The following ANO1 variants were observed in gnomAD, a reference collection of about 807,000 sequenced individuals.
ANO1 encodes anoctamin-1.
Under a neutral mutation model 124.0 loss-of-function variants are expected in ANO1, and 59 were observed. The observed-to-expected ratio is 0.48, with a 90% confidence interval of 0.39 to 0.59. ANO1 has a LOEUF of 0.59. ANO1 is among the 20% of genes least tolerant of loss of function. ANO1 has a pLI of 0.00. For synonymous variants in ANO1, 529 were observed against 532.0 expected (o/e 0.99, Z 0.08); for missense variants, 1,059 against 1,328.0 (o/e 0.80, Z 3.15).
chr11:70,070,306 C>T lies in ANO1; in HGVS notation c.59-8236C>T, dbSNP rs78225667. ...GCAGAGGGAAAACAAGATGATGAAG[C>T]GAACTCCTCTGCAGATAAGGGGTGG... On this transcript the variant is annotated intron_variant, in intron 1 of 27. Coordinates refer to the ANO1 transcript ENST00000531349. Among the ~76,000 whole-genome samples, 1,126 of 152,182 alleles carry T rather than the reference C, an allele frequency of 7.4e-3. 16 individuals are homozygous for T. Among genetic ancestry groups the T allele is most frequent in the African/African-American group, 0.025 (1,024 of 41,508 alleles).
chr11:70,180,690 A>G (rs2048896641), intron 23 of ANO1, among the ~76,000 whole-genome samples: 2 of 152,246 alleles, frequency 1.3e-5, no homozygotes, highest in Non-Finnish European at 2.9e-5. Flanking sequence ...GAGGGAAGAC[A>G]GAGACAGAGA....
chr11:70,124,626 G>C (rs776268660), intron 9 of ANO1, among the ~76,000 whole-genome samples: 1 of 152,192 alleles, frequency 6.6e-6, no homozygotes, highest in Non-Finnish European at 1.5e-5. Context: ...CCTGGAGGTC[G>C]GGCCCTTTTC....
At chr11:70,122,181 G>C (rs1309239946) in intron 8 of ANO1, among the ~76,000 whole-genome samples, 5 of 82,814 alleles carry the variant, frequency 6.0e-5, no homozygotes, top group South Asian at 4.3e-4. Flanking sequence ...CCACCTCTCT[G>C]TCTGTCTTTC....
intron 2 of ANO1, among the ~76,000 whole-genome samples, chr11:70,095,287 G>GGAAGGAAA (rs2044827383): frequency 1.2e-5 from 1 of 80,696 alleles, no homozygotes; most frequent in African/African-American, 6.0e-5. Flanking sequence ...AAGGAAGGAA[G>GGAAGGAAA]GAAGGAAGGA....
rs76023583 is a variant in ANO1 at position 70,179,628 on chromosome 11, C to T, written c.2351-376C>T. 5.4e-3 allele frequency among the ~76,000 whole-genome samples: 817 copies of T among 152,332 alleles called. 10 individuals carry two copies. Among genetic ancestry groups the T allele is most frequent in the African/African-American group, 0.019 (785 of 41,568 alleles). ...CTGGCCTATCCCTAAATACAGGTAT[C>T]CTCCGCCAGAGCTTTAGGAGCTGCA... is the stretch of plus-strand genomic sequence containing the variant. On this transcript the variant is annotated intron_variant, in intron 22 of 25. Transcript: ENST00000355303.
Position 70,062,063 on chromosome 11 carries a change from C to CTTTTTTTTTTTTTTTTTT in ANO1, c.59-16476_59-16475insTTTTTTTTTTTTTTTTTT. On this transcript the variant is annotated intron_variant, in intron 1 of 27. Coordinates refer to the ANO1 transcript ENST00000531349. ...AGAGGTGATTTTTTTCTCTTTCCTTCTTTCTTTTTTTTTTTTTTTTTTTTT... is the reference window on the plus strand; with the variant it reads ...AGAGGTGATTTTTTTCTCTTTCCTTCTTTTTTTTTTTTTTTTTTTTTCTTTTTTTTTTTTTTTTTTTTT... 2.6e-5 allele frequency among the ~76,000 whole-genome samples: 2 copies of CTTTTTTTTTTTTTTTTTT among 76,700 alleles called. 1 individual carries two copies. The allele number at this position is 76,700 out of a possible 152,430, so 50.3% of individuals were successfully genotyped here.
intron 1 of ANO1, among the ~76,000 whole-genome samples, chr11:70,029,842 C>T (rs933134055): frequency 6.6e-6 from 1 of 152,228 alleles, no homozygotes; most frequent in Non-Finnish European, 1.5e-5. Context: ...AGCTGCATCA[C>T]TCCAGCCTCT....
At chr11:70,132,547 A>T (rs935522612) in intron 11 of ANO1, among the ~76,000 whole-genome samples, 1 of 152,170 alleles carries the variant, frequency 6.6e-6, no homozygotes, top group Non-Finnish European at 1.5e-5. Flanking sequence ...TAAGGAGGCG[A>T]AGGCCTAAGA....
At chr11:70,115,907 G>T (rs1018149761) in intron 7 of ANO1, among the ~76,000 whole-genome samples, 5 of 152,164 alleles carry the variant, frequency 3.3e-5, no homozygotes, top group African/African-American at 1.2e-4. Flanking sequence ...GTCAGGGTCT[G>T]ACCGAACTTA....
chr11:70,110,432 T>G (rs1051928750), intron 6 of ANO1, among the ~76,000 whole-genome samples: 1 of 152,134 alleles, frequency 6.6e-6, no homozygotes, highest in African/African-American at 2.4e-5. Context: ...GTGATCCACC[T>G]GCCTCAACCC....
chr11:70,118,829 G>A (rs1399978366), intron 8 of ANO1, among the ~76,000 whole-genome samples: 2 of 151,910 alleles, frequency 1.3e-5, no homozygotes, highest in African/African-American at 4.8e-5. Context: ...TGGATGATGG[G>A]TGGGTGTGTG....
chr11:70,093,474 A>G (rs1461372659), intron 2 of ANO1, among the ~76,000 whole-genome samples: 2 of 152,170 alleles, frequency 1.3e-5, no homozygotes, highest in African/African-American at 2.4e-5. Flanking sequence ...GCTGGACATT[A>G]TTTATGTCCA....
chr11:70,180,232 G>A (rs1430208892), intron 23 of ANO1, among the ~76,000 whole-genome samples, 176 bp downstream of exon 23: 1 of 152,090 alleles, frequency 6.6e-6, no homozygotes, highest in Non-Finnish European at 1.5e-5. Context: ...TGGGGAGGGT[G>A]CACTCTGGGG....
intron 22 of ANO1, among the ~76,000 whole-genome samples, chr11:70,174,757 T>G (rs2048620356): frequency 6.6e-6 from 1 of 152,036 alleles, no homozygotes; most frequent in South Asian, 2.1e-4. Context: ...AGGGTTTGCC[T>G]CTGAAAACCT....
In ANO1 at chr11:70,100,895, G is replaced by A. The variant is rs1238897975; in HGVS notation, c.442-2171G>A. Among the ~76,000 whole-genome samples the A allele has an allele frequency of 2.0e-5, 3 of 152,212 alleles. No homozygotes were observed. The East Asian group carries it at 5.8e-4, about 29-fold the overall frequency. On this transcript the variant is annotated intron_variant, in intron 2 of 25. Coordinates refer to ENST00000355303, the MANE Select transcript of ANO1 (RefSeq NM_018043.7). ...TTCCATAAATATGTGCAAAGCGGCT[G>A]CTCTGAGCCTTCCGTGGGCAGCAGG...
intron 1 of ANO1, chr11:70,073,063 T>C (rs2044000922): frequency 6.6e-6 from 1 of 152,242 alleles, no homozygotes; most frequent in Non-Finnish European, 1.5e-5. Flanking sequence ...AAGTTCCTTA[T>C]TCTCAGGAAG....
Position 70,116,490 on chromosome 11 carries a change from CGACAGAAAAGT to C in ANO1, c.889_897+2del. The C allele has an allele frequency of 6.3e-7, 1 of 1,596,902 alleles. No individual in the cohort carries two copies. ...ACAACGGTGAAAACGTCGAGTTCAA[CGACAGAAAAGT>C]AAGTTGATGGAGCGGAGCAGGAGGT... On this transcript the variant is annotated splice_donor_variant and coding_sequence_variant, in exon 8 of 26. Transcript: ENST00000355303. LOFTEE classifies it high-confidence loss of function.
Position 70,131,332 on chromosome 11 carries a change from T to TGTGC in ANO1, c.1098-586_1098-585insTGCG, listed in dbSNP as rs1436307308. 2.6e-3 allele frequency among the ~76,000 whole-genome samples: 388 copies of TGTGC among 148,412 alleles called. 9 individuals carry two copies. The highest frequency in any genetic ancestry group is 2.9e-3 in the Non-Finnish European group (194 of 66,538). On this transcript the variant is annotated intron_variant, in intron 10 of 25. Transcript: ENST00000355303. ...GTGTGTGTGTGTGTGTGTGTGTGTG[T>TGTGC]GCGCGTCTGTGTTGAGATGGAGTCT...
At chr11:70,037,629 G>A (rs1857116511) in intron 1 of ANO1, among the ~76,000 whole-genome samples, 1 of 152,106 alleles carries the variant, frequency 6.6e-6, no homozygotes, top group South Asian at 2.1e-4. Context: ...GGGGTCCCTG[G>A]GAGAGGCGCT....
Sources: allele counts gnomAD v4.1 joint callset (sites outside exome capture counted in the v4.1 genomes callset), GRCh38; gene constraint gnomAD v4.1.1; transcripts MANE v1.5; gene names NCBI Gene and HGNC (gene_info 2026-07-23, HGNC 2026-07-21).